The following UBE2V1 variants were observed in gnomAD, a reference collection of about 807,000 sequenced individuals.
The protein encoded by UBE2V1 is ubiquitin conjugating enzyme E2 V1, also known as ubiquitin-conjugating enzyme E2 variant 1.
Under a neutral mutation model 19.6 loss-of-function variants are expected in UBE2V1, and 15 were observed. The observed-to-expected ratio is 0.77, with a 90% confidence interval of 0.51 to 1.18. The LOEUF (loss-of-function observed/expected upper bound fraction) is 1.18, where lower values mean the gene tolerates loss of function less well. Ranked by LOEUF, UBE2V1 falls within the 50% of genes most tolerant of loss-of-function variation. The probability of loss-of-function intolerance (pLI) is 0.00; values close to 1 mark genes in which losing one functional copy is unlikely to be tolerated. For synonymous variants in UBE2V1, 60 were observed against 60.7 expected (o/e 0.99, Z 0.05); for missense variants, 125 against 184.8 (o/e 0.68, Z 1.88).
At chr20:50,115,369 G>A (rs2080980223), upstream of UBE2V1, 10 of 1,367,802 alleles carry the variant, frequency 7.3e-6, no homozygotes, top group Non-Finnish European at 9.6e-6. Flanking sequence ...GACTTTTCGT[G>A]TATCACGTGA....
chr20:50,087,913 G>A (rs1440466878), intron 2 of UBE2V1, among the ~76,000 whole-genome samples: 2 of 152,044 alleles, frequency 1.3e-5, no homozygotes, highest in African/African-American at 4.8e-5. Flanking sequence ...CATGGCACCA[G>A]GTATAGACGA....
chr20:50,093,987 CAAA>C (rs60174191), intron 2 of UBE2V1, among the ~76,000 whole-genome samples: 95 of 56,260 alleles, frequency 1.7e-3, no homozygotes, highest in African/African-American at 3.3e-3. Context: ...GACTCCAACT[CAAA>C]AAAAAAAAAA....
Position 50,091,716 on chromosome 20 carries a change from A to G in UBE2V1, c.171+4956T>C, listed in dbSNP as rs142575054. On this transcript the variant is annotated intron_variant, in intron 2 of 3. Coordinates refer to ENST00000371674, the MANE Select transcript of UBE2V1 (RefSeq NM_001032288.3). The stretch of plus-strand genomic sequence containing the variant: ...CCTCAAAGCTTTTAAAAAAGAGATC[A>G]GTCAATATGCACTGATATAGAAAGA... Among the ~76,000 whole-genome samples, 612 of 152,340 alleles carry G rather than the reference A, an allele frequency of 4.0e-3. 6 individuals carry two copies. Among genetic ancestry groups the G allele is most frequent in the African/African-American group, 0.014 (591 of 41,580 alleles).
intron 2 of UBE2V1, among the ~76,000 whole-genome samples, chr20:50,094,027 AT>A (rs1568987789): frequency 5.1e-5 from 6 of 117,276 alleles, no homozygotes; most frequent in African/African-American, 1.1e-4. Flanking sequence ...AATAATAATA[AT>A]AATAAAATAT....
At chr20:50,111,315 T>G (rs1463348000) in intron 1 of UBE2V1, 1 of 992,342 alleles carries the variant, frequency 1.0e-6, no homozygotes, top group Non-Finnish European at 1.2e-6. Flanking sequence ...TCTGGAGAAG[T>G]TAGAACCGGG....
intron 2 of UBE2V1, among the ~76,000 whole-genome samples, chr20:50,091,639 C>T (rs1352597578): frequency 1.3e-5 from 2 of 150,968 alleles, no homozygotes; most frequent in African/African-American, 4.9e-5. Flanking sequence ...GTGATCTGCC[C>T]GCCTTGGCCT....
At position 50,096,707 on chromosome 20, in the gene UBE2V1, T is replaced by TA; in HGVS notation, c.135dup (p.Thr46TyrfsTer16). On this transcript the variant is annotated frameshift_variant, in exon 2 of 4. Coordinates refer to ENST00000371674, the MANE Select transcript of UBE2V1 (RefSeq NM_001032288.3). LOFTEE classifies it high-confidence loss of function. Reference sequence around the variant, plus strand: ...CCAATTATCATCCCTGTCCATCTTGTAAGTGTCATGTCTTCGTCATCTTCT... The same window carrying TA: ...CCAATTATCATCCCTGTCCATCTTGTAAAGTGTCATGTCTTCGTCATCTTCT... 6.2e-7 allele frequency: 1 copy of TA among 1,614,154 alleles called. No individual in the cohort carries two copies.
intron 2 of UBE2V1, 30 bp downstream of exon 2, chr20:50,096,642 T>C: frequency 6.2e-7 from 1 of 1,611,058 alleles, no homozygotes; most frequent in South Asian, 1.1e-5. Flanking sequence ...TTTAAGACAT[T>C]GACATTTATA....
chr20:50,104,401 T>C, intron 1 of UBE2V1: 1 of 978,474 alleles, frequency 1.0e-6, no homozygotes, highest in Non-Finnish European at 1.2e-6. Context: ...CTCACGCCTA[T>C]AATCCCAGCA....
rs1343596496 is a variant in UBE2V1 at position 50,082,647 on chromosome 20, G to A, written c.*121C>T. The A allele has an allele frequency of 3.0e-5, 44 of 1,472,466 alleles. No individual in the cohort carries two copies. In the East Asian group the frequency reaches 9.4e-4, roughly 31 times the overall value. The allele number at this position is 1,472,466 out of a possible 1,614,324, so 91.2% of individuals were successfully genotyped here. On this transcript the variant is annotated 3_prime_UTR_variant, in exon 4 of 4. Coordinates refer to ENST00000371674, the MANE Select transcript of UBE2V1 (RefSeq NM_001032288.3). ...TAAGATAAATTTCCTTTGAATGGGA[G>A]CTTCCTTTCCGGTACTTTGAGGTCT...
At chr20:50,087,862 C>T (rs1198243874) in intron 2 of UBE2V1, among the ~76,000 whole-genome samples, 2 of 152,110 alleles carry the variant, frequency 1.3e-5, no homozygotes, top group Non-Finnish European at 2.9e-5. Flanking sequence ...GGCCGAGGGA[C>T]ACTCCTTGGG....
intron 3 of UBE2V1, 92 bp from the exon 4 acceptor site, chr20:50,083,006 G>C (rs1162323780): frequency 1.9e-6 from 3 of 1,547,972 alleles, no homozygotes; most frequent in Non-Finnish European, 2.6e-6. Flanking sequence ...ACTGGAGTAA[G>C]ATGTACTTTT....
At chr20:50,095,047 G>A (rs993818239) in intron 2 of UBE2V1, 1 of 152,080 alleles carries the variant, frequency 6.6e-6, no homozygotes, top group Non-Finnish European at 1.5e-5. Context: ...TGTTTTGTGT[G>A]TTTTTTTGAA....
chr20:50,086,565 T>C (rs2078925829), intron 2 of UBE2V1, among the ~76,000 whole-genome samples: 4 of 152,082 alleles, frequency 2.6e-5, no homozygotes. Flanking sequence ...CCTATCATAG[T>C]CTCCATCAAC....
At chr20:50,106,874 CAAA>C (rs57532245) in intron 1 of UBE2V1, among the ~76,000 whole-genome samples, 3 of 124,672 alleles carry the variant, frequency 2.4e-5, no homozygotes, top group South Asian at 2.7e-4. Context: ...ACAACAACAA[CAAA>C]AAAAAAAAAA....
At chr20:50,091,442 G>A (rs1281743532) in intron 2 of UBE2V1, among the ~76,000 whole-genome samples, 2 of 125,930 alleles carry the variant, frequency 1.6e-5, no homozygotes, top group African/African-American at 6.4e-5. Flanking sequence ...ATGGAGTCTC[G>A]CTCTTGTTGC....
intron 1 of UBE2V1, among the ~76,000 whole-genome samples, chr20:50,109,585 C>G (rs2080611978): frequency 1.3e-5 from 2 of 151,970 alleles, no homozygotes; most frequent in South Asian, 4.2e-4. Flanking sequence ...CCTGTCTCTA[C>G]TAAAAATACA....
intron 2 of UBE2V1, among the ~76,000 whole-genome samples, chr20:50,093,987 C>CAAAAA (rs60174191): frequency 1.3e-3 from 71 of 56,232 alleles, no homozygotes; most frequent in Non-Finnish European, 1.7e-3. Context: ...GACTCCAACT[C>CAAAAA]AAAAAAAAAA....
intron 2 of UBE2V1, among the ~76,000 whole-genome samples, chr20:50,088,679 C>G (rs6012829): frequency 0.34 from 50,523 of 150,756 alleles, 9,290 homozygotes; most frequent in African/African-American, 0.51. Flanking sequence ...TTGGCTACTT[C>G]GGAGGCTGAG....
Sources: allele counts gnomAD v4.1 joint callset (sites outside exome capture counted in the v4.1 genomes callset), GRCh38; gene constraint gnomAD v4.1.1; transcripts MANE v1.5; gene names NCBI Gene and HGNC (gene_info 2026-07-23, HGNC 2026-07-21).